The following CCDC33 variants were observed in gnomAD, a reference collection of about 807,000 sequenced individuals.
CCDC33 encodes the protein coiled-coil domain-containing protein 33.
In CCDC33, 94 loss-of-function variants were observed where a neutral mutation model predicts 91.9. The ratio of observed to expected loss-of-function variants is 1.02; its 90% CI spans 0.87 to 1.21. The LOEUF (loss-of-function observed/expected upper bound fraction) is 1.21, where lower values mean the gene tolerates loss of function less well. Among genes scored for constraint, CCDC33 ranks in the 50% most tolerant of loss-of-function variants. CCDC33 has a pLI of 0.00. For synonymous variants in CCDC33, 396 were observed against 374.5 expected, an observed-to-expected ratio of 1.06 and a Z score of -0.66; for missense variants, 940 against 935.5, an observed-to-expected ratio of 1.00 and a Z score of -0.06.
chr15:74,243,013 G>A (rs1295978704), intron 1 of CCDC33, among the ~76,000 whole-genome samples: 2 of 152,164 alleles, frequency 1.3e-5, no homozygotes, highest in Non-Finnish European at 2.9e-5. Flanking sequence ...CGCCTCAGCC[G>A]GCCAGGGCTT....
At chr15:74,333,300 G>C (rs530030365) in intron 16 of CCDC33, 1 of 1,594,658 alleles carries the variant, frequency 6.3e-7, no homozygotes, top group Admixed American at 1.7e-5. Context: ...CACTCAGAGT[G>C]CACAGAGACC....
intron 10 of CCDC33, 114 bp downstream of exon 10, chr15:74,281,963 C>A: frequency 1.2e-6 from 1 of 853,006 alleles, no homozygotes; most frequent in Non-Finnish European, 1.9e-6. Context: ...GGGACTACTA[C>A]TTTGGATAGA....
intron 16 of CCDC33, chr15:74,333,175 AT>A (rs2060477237): frequency 4.8e-6 from 7 of 1,457,274 alleles, no homozygotes; most frequent in Non-Finnish European, 6.6e-6. Flanking sequence ...CTTCTGGAGC[AT>A]TCCCTGGTCT....
chr15:74,287,292 G>T (rs952266525), intron 10 of CCDC33, among the ~76,000 whole-genome samples: 1 of 152,072 alleles, frequency 6.6e-6, no homozygotes, highest in Non-Finnish European at 1.5e-5. Context: ...CTACCATAAG[G>T]ATGGATCCAG....
At chr15:74,213,692 T>A (rs1170815969), upstream of CCDC33, among the ~76,000 whole-genome samples, 1 of 152,208 alleles carries the variant, frequency 6.6e-6, no homozygotes, top group Non-Finnish European at 1.5e-5. Flanking sequence ...GCTGCCATTC[T>A]TCCCTTTGCT....
At chr15:74,263,530 G>T (rs2076084030) in intron 3 of CCDC33, among the ~76,000 whole-genome samples, 1 of 152,224 alleles carries the variant, frequency 6.6e-6, no homozygotes, top group African/African-American at 2.4e-5. Context: ...TCCGTAAAAG[G>T]GGAAGGAGCT....
At chr15:74,204,078 G>A (rs901468435) in intron 1 of CCDC33, among the ~76,000 whole-genome samples, 1 of 152,178 alleles carries the variant, frequency 6.6e-6, no homozygotes, top group African/African-American at 2.4e-5. Context: ...CTTCCCAAAT[G>A]GCCCTTCTTG....
At chr15:74,230,487 A>G (rs1011076263) in intron 2 of CCDC33, among the ~76,000 whole-genome samples, 1 of 152,170 alleles carries the variant, frequency 6.6e-6, no homozygotes, top group African/African-American at 2.4e-5. Flanking sequence ...ATCTTTAGCA[A>G]AGTGATTTAT....
chr15:74,277,880 C>T (rs138630157), intron 7 of CCDC33, among the ~76,000 whole-genome samples: 2 of 152,226 alleles, frequency 1.3e-5, no homozygotes, highest in Admixed American at 6.5e-5. Flanking sequence ...TACTAAATAA[C>T]CCTCTTCCAG....
At chr15:74,247,025 A>T (rs924406915) in intron 2 of CCDC33, among the ~76,000 whole-genome samples, 5 of 151,926 alleles carry the variant, frequency 3.3e-5, no homozygotes, top group Non-Finnish European at 7.4e-5. Context: ...GGCACCTGTA[A>T]TCCTAGCTAC....
chr15:74,335,519 T>C, intron 18 of CCDC33: 1 of 375,150 alleles, frequency 2.7e-6, no homozygotes, highest in Non-Finnish European at 4.9e-6. Flanking sequence ...TAGGCTCCAC[T>C]TTGCCAACTT....
At chr15:74,310,797 T>C (rs1403442209) in intron 11 of CCDC33, among the ~76,000 whole-genome samples, 1 of 151,274 alleles carries the variant, frequency 6.6e-6, no homozygotes, top group African/African-American at 2.4e-5. Context: ...GAGAGTGAGG[T>C]GTGAGAGGAA....
intron 2 of CCDC33, among the ~76,000 whole-genome samples, chr15:74,261,838 A>C (rs2076032675): frequency 6.6e-6 from 1 of 152,134 alleles, no homozygotes; most frequent in South Asian, 2.1e-4. Flanking sequence ...CCAGGCCTGG[A>C]CCCAGCTCCA....
chr15:74,206,696 G>C (rs1348734640), intron 1 of CCDC33, among the ~76,000 whole-genome samples: 1 of 152,224 alleles, frequency 6.6e-6, no homozygotes, highest in African/African-American at 2.4e-5. Context: ...GGAGGAGGGG[G>C]CCTGGAGCAG....
intron 15 of CCDC33, among the ~76,000 whole-genome samples, chr15:74,331,744 C>G (rs2060444083): frequency 6.6e-6 from 1 of 152,192 alleles, no homozygotes; most frequent in African/African-American, 2.4e-5. Flanking sequence ...AATCAATGAT[C>G]TGGGGCCAGG....
At chr15:74,219,132 T>G (rs2074522956) in intron 2 of CCDC33, among the ~76,000 whole-genome samples, 1 of 152,210 alleles carries the variant, frequency 6.6e-6, no homozygotes, top group South Asian at 2.1e-4. Context: ...TAGTGTCCCC[T>G]GAGACCCTTC....
intron 1 of CCDC33, 71 bp downstream of exon 1, chr15:74,236,811 T>G: frequency 2.7e-6 from 4 of 1,485,204 alleles, no homozygotes; most frequent in Non-Finnish European, 3.7e-6. Context: ...CTTCAAAGTT[T>G]TGTTTGCTCC....
chr15:74,293,139 T>C (rs1281775204), intron 10 of CCDC33, among the ~76,000 whole-genome samples: 1 of 152,106 alleles, frequency 6.6e-6, no homozygotes, highest in Non-Finnish European at 1.5e-5. Context: ...GGGAACTCCT[T>C]TGCAATTGTC....
At chr15:74,228,799 G>A (rs1376260513) in intron 2 of CCDC33, among the ~76,000 whole-genome samples, 1 of 152,250 alleles carries the variant, frequency 6.6e-6, no homozygotes, top group African/African-American at 2.4e-5. Context: ...GAGACAGGCA[G>A]GGGCCGGGCC....
Sources: allele counts gnomAD v4.1 joint callset (sites outside exome capture counted in the v4.1 genomes callset), GRCh38; gene constraint gnomAD v4.1.1; transcripts MANE v1.5; gene names NCBI Gene and HGNC (gene_info 2026-07-23, HGNC 2026-07-21).